NRIP1: variants seen among roughly 807,000 people sequenced by gnomAD.
NRIP1 encodes nuclear receptor-interacting protein 1.
In NRIP1, 28 loss-of-function variants were observed where a neutral mutation model predicts 75.0. That is an observed-to-expected ratio of 0.37 (90% CI 0.28 to 0.51). The LOEUF is 0.51. Ranked by LOEUF, NRIP1 falls within the 20% of genes least tolerant of loss-of-function variation. The pLI is 0.92. For missense variants in NRIP1, 1,435 were observed against 1,343.7 expected (o/e 1.07, Z -1.06); for synonymous variants, 526 against 487.6 (o/e 1.08, Z -1.04).
At chr21:15,059,985 TAAAG>T (rs1178518170) in intron 1 of NRIP1, among the ~76,000 whole-genome samples, 2 of 152,128 alleles carry the variant, frequency 1.3e-5, no homozygotes, top group Non-Finnish European at 2.9e-5. Context: ...TTTAAGAACT[TAAAG>T]AAAAATATTT....
In NRIP1 at chr21:15,046,479, G is replaced by C. The variant is rs577180015; in HGVS notation, c.-537-2905C>G. Among the ~76,000 whole-genome samples the C allele has an allele frequency of 2.6e-5, 4 of 152,234 alleles. No homozygotes were observed. In the South Asian group the frequency reaches 8.3e-4, roughly 32 times the overall value. On this transcript the variant is annotated intron_variant, in intron 1 of 3. Transcript: ENST00000318948. ...TGTAAACAGATGTTCTGTCATCCAG[G>C]CTTCTTCTTCCATTTATACAGCATA...
At chr21:15,019,585 T>C (rs2088322793) in intron 2 of NRIP1, among the ~76,000 whole-genome samples, 1 of 141,146 alleles carries the variant, frequency 7.1e-6, no homozygotes, top group East Asian at 2.2e-4. Context: ...GCCTCCCAGG[T>C]TCAAGCAACT....
Position 14,967,741 on chromosome 21 carries a change from T to C in NRIP1, c.452A>G (p.Gln151Arg). The change falls in exon 4 of 4, where the codon CAA (glutamine) becomes CGA (arginine). Residue 151 changes from glutamine to arginine, a missense_variant. By Grantham distance (43) the Gln-to-Arg change is conservative. Transcript: ENST00000318948. ...CTCCTTGAGGCTCTGCCTGATTTGTTGTGACAGAGCAACAGTCTGCAGCCT... is the reference window on the plus strand; with the variant it reads ...CTCCTTGAGGCTCTGCCTGATTTGTCGTGACAGAGCAACAGTCTGCAGCCT... ...SSRLQTVALS[Q>R]QIRQSLKEQG... The C allele has an allele frequency of 6.2e-7, 1 of 1,614,188 alleles. No homozygotes were observed. Among genetic ancestry groups the C allele is most frequent in the Non-Finnish European group, 8.5e-7 (1 of 1,180,032 alleles).
At chr21:15,036,837 T>A (rs1407419933) in intron 2 of NRIP1, among the ~76,000 whole-genome samples, 3 of 152,164 alleles carry the variant, frequency 2.0e-5, no homozygotes, top group African/African-American at 7.2e-5. Context: ...GATTCTTTTT[T>A]AAAAATATAC....
Position 15,013,009 on chromosome 21 carries a change from T to C in NRIP1, c.-335+1335A>G, listed in dbSNP as rs562555467. Among the ~76,000 whole-genome samples the C allele has an allele frequency of 3.3e-5, 5 of 152,264 alleles. No homozygotes were observed. The South Asian group carries it at 1.0e-3, about 32-fold the overall frequency. ...ATTATAATGTTAATTTTAATAGAAT[T>C]AGAAGTTCAGAAATGGGGTTCAATA... On this transcript the variant is annotated intron_variant, in intron 3 of 3. Transcript: ENST00000318948.
rs2086597788 is a variant in NRIP1 at position 14,961,876 on chromosome 21, A to G, written c.*2840T>C. 1 of 152,196 alleles carries G rather than the reference A, an allele frequency of 6.6e-6. No homozygotes were observed. Among genetic ancestry groups the G allele is most frequent in the Non-Finnish European group, 1.5e-5 (1 of 67,826 alleles). The allele number at this position is 152,196 out of a possible 1,614,324, so 9.4% of individuals were successfully genotyped here. Reference sequence around the variant, plus strand: ...TTATACATGGAATATACAGGAACCAAAGAGATTAAAAGGCTTTTCTGTTGC... The same window carrying G: ...TTATACATGGAATATACAGGAACCAGAGAGATTAAAAGGCTTTTCTGTTGC... On this transcript the variant is annotated 3_prime_UTR_variant, in exon 4 of 4. Coordinates refer to ENST00000318948, the MANE Select transcript of NRIP1 (RefSeq NM_003489.4).
chr21:14,962,431 A>C lies in NRIP1; in HGVS notation c.*2285T>G, dbSNP rs911116546. The C allele has an allele frequency of 1.3e-5, 2 of 152,522 alleles. No homozygotes were observed. The highest frequency in any genetic ancestry group is 1.9e-4 in the East Asian group (1 of 5,182). The allele number at this position is 152,522 out of a possible 1,614,324, so 9.4% of individuals were successfully genotyped here. On this transcript the variant is annotated 3_prime_UTR_variant, in exon 4 of 4. Coordinates refer to ENST00000318948, the MANE Select transcript of NRIP1 (RefSeq NM_003489.4). The stretch of plus-strand genomic sequence containing the variant: ...ACCAAAAAAACAAAACAAAACCCAC[A>C]CACACACACACAAAAGTAGCAATGC...
intron 3 of NRIP1, among the ~76,000 whole-genome samples, chr21:15,007,224 G>A (rs2087993897): frequency 6.6e-6 from 1 of 152,208 alleles, no homozygotes; most frequent in African/African-American, 2.4e-5. Context: ...AGAAGCTATG[G>A]GAGTTGTTGA....
At chr21:15,005,758 T>C (rs945760563) in intron 3 of NRIP1, among the ~76,000 whole-genome samples, 4 of 152,176 alleles carry the variant, frequency 2.6e-5, no homozygotes, top group Non-Finnish European at 4.4e-5. Context: ...ACCAGCATTC[T>C]GGAGAGAGGG....
intron 2 of NRIP1, among the ~76,000 whole-genome samples, chr21:15,024,417 C>T (rs953376714): frequency 6.6e-6 from 1 of 152,106 alleles, no homozygotes; most frequent in African/African-American, 2.4e-5. Flanking sequence ...TGGCAGTCAC[C>T]TGTAATCCCA....
chr21:15,016,519 C>T (rs950848991), intron 2 of NRIP1, among the ~76,000 whole-genome samples: 11 of 152,174 alleles, frequency 7.2e-5, no homozygotes, highest in African/African-American at 2.6e-4. Flanking sequence ...TTTCAATTAC[C>T]TTTTTTCCTT....
chr21:15,005,208 A>G (rs944305763), intron 3 of NRIP1, among the ~76,000 whole-genome samples: 2 of 152,182 alleles, frequency 1.3e-5, no homozygotes, highest in African/African-American at 2.4e-5. Flanking sequence ...ATGGGTGACT[A>G]TCTCTTTAAA....
chr21:14,968,996 G>C (rs1267652559), intron 3 of NRIP1, among the ~76,000 whole-genome samples: 1 of 152,096 alleles, frequency 6.6e-6, no homozygotes, highest in Non-Finnish European at 1.5e-5. Flanking sequence ...GTCTGATGTG[G>C]GGTTGAGGCC....
In NRIP1 at chr21:14,968,008, T is replaced by A. The variant is rs1400405765; in HGVS notation, c.185A>T (p.Gln62Leu). The A allele has an allele frequency of 6.2e-7, 1 of 1,614,074 alleles. No individual in the cohort carries two copies. Among genetic ancestry groups the A allele is most frequent in the Admixed American group, 1.7e-5 (1 of 59,966 alleles). ...NISGSAFPTC[Q>L]SNGPVLNTHT... ...TGTATTGAGAACTGGACCATTACTT[T>A]GACAGGTGGGAAATGCACTGCCAGA... Residue 62 changes from glutamine (Q) to leucine (L), a missense_variant, in exon 4 of 4, where the codon CAA becomes CTA. Coordinates refer to ENST00000318948, the MANE Select transcript of NRIP1 (RefSeq NM_003489.4).
Position 14,965,857 on chromosome 21 carries a change from G to A in NRIP1, c.2336C>T (p.Ala779Val), listed in dbSNP as rs2086720560. The change falls in exon 4 of 4, where the codon GCC becomes GTC. Residue 779 changes from alanine to valine, a missense_variant. By Grantham distance (64) the Ala-to-Val change is moderately conservative (BLOSUM62 0). Transcript: ENST00000318948. ...NVHLSHDAKS[A>V]PFLGMAPAVQ... ...AGCAGGAGCCATACCCAAGAATGGGGCACTCTTAGCATCATGGCTCAAGTG... is the reference window on the plus strand; with the variant it reads ...AGCAGGAGCCATACCCAAGAATGGGACACTCTTAGCATCATGGCTCAAGTG... 1 of 1,614,028 alleles carries A rather than the reference G, an allele frequency of 6.2e-7. No individual in the cohort carries two copies. The highest frequency in any genetic ancestry group is 2.2e-5 in the East Asian group (1 of 44,872).
At chr21:14,979,654 G>C (rs2087174350) in intron 3 of NRIP1, among the ~76,000 whole-genome samples, 1 of 151,820 alleles carries the variant, frequency 6.6e-6, no homozygotes, top group South Asian at 2.1e-4. Flanking sequence ...ATATTGCATT[G>C]GATCAAGAAT....
At chr21:14,993,088 A>G (rs2087617962) in intron 3 of NRIP1, among the ~76,000 whole-genome samples, 1 of 152,208 alleles carries the variant, frequency 6.6e-6, no homozygotes, top group African/African-American at 2.4e-5. Flanking sequence ...TATCAAAAAA[A>G]TGTTGACATG....
chr21:14,967,217 T>C lies in NRIP1; in HGVS notation c.976A>G (p.Asn326Asp). ...CTTGATGATGTTCTTGCCTGACCAT[T>C]AAGATGGCTTGACATTCCTTTTGGG... ...QLPKGMSSHLNGQARTSSSKL... is the reference protein window; with the variant it reads ...QLPKGMSSHLDGQARTSSSKL... The change falls in exon 4 of 4, where the codon AAT (asparagine) becomes GAT (aspartate). Residue 326 changes from asparagine (N) to aspartate (D), a missense_variant. Asn to Asp is a conservative substitution (Grantham distance 23). Transcript: ENST00000318948. The C allele has an allele frequency of 6.2e-7, 1 of 1,614,026 alleles. No homozygotes were observed. Among genetic ancestry groups the C allele is most frequent in the Non-Finnish European group, 8.5e-7 (1 of 1,180,004 alleles).
At chr21:15,030,082 G>A (rs1014997986) in intron 2 of NRIP1, among the ~76,000 whole-genome samples, 1 of 152,172 alleles carries the variant, frequency 6.6e-6, no homozygotes, top group East Asian at 1.9e-4. Flanking sequence ...TTAGGCATGG[G>A]TATATGATTT....
Sources: gnomAD v4.1 joint callset for allele counts (sites outside exome capture counted in the v4.1 genomes callset) on GRCh38, gnomAD v4.1.1 for gene constraint, MANE v1.5 for transcripts, NCBI Gene and HGNC (gene_info 2026-07-23, HGNC 2026-07-21) for gene names.